Variants in PLXND1 observed in about 807,000 individuals in gnomAD.
The protein encoded by PLXND1 is plexin D1.
In PLXND1, 54 loss-of-function variants were observed where a neutral mutation model predicts 197.7. The observed-to-expected ratio is 0.27, with a 90% CI of 0.22 to 0.34. PLXND1 has a LOEUF of 0.34. Among genes scored for constraint, PLXND1 ranks in the 10% least tolerant of loss-of-function variants. PLXND1 has a pLI of 1.00. For synonymous variants in PLXND1, 1,180 were observed against 1,161.2 expected, an observed-to-expected ratio of 1.02 and a Z score of -0.33; for missense variants, 2,127 against 2,699.2, an observed-to-expected ratio of 0.79 and a Z score of 4.70.
At chr3:129,562,181 T>C (rs556875261) in intron 27 of PLXND1, among the ~76,000 whole-genome samples, 99 of 152,184 alleles carry the variant, frequency 6.5e-4, no homozygotes, top group African/African-American at 2.3e-3. Flanking sequence ...CATGTTACAA[T>C]TGCTGATGAA....
At position 129,605,977 on chromosome 3, in the gene PLXND1, G is replaced by A. The variant is rs1489841869; in HGVS notation, c.663C>T (p.Phe221=). 5.0e-6 allele frequency: 8 copies of A among 1,610,942 alleles called. No individual in the cohort carries two copies. The highest frequency in any genetic ancestry group is 6.8e-6 in the Non-Finnish European group (8 of 1,179,656). ...GGTCCTCCAGGCTGCGGTTGCGCGGGAAGAAGGAGCTGCCGTAACCGGTGT... is the reference window on the plus strand; with the variant it reads ...GGTCCTCCAGGCTGCGGTTGCGCGGAAAGAAGGAGCTGCCGTAACCGGTGT... ...ATYTGYGSSF[F]PRNRSLEDHR... is the part of the protein sequence containing the mutation. Residue 221 remains phenylalanine, a synonymous_variant, in exon 1 of 36, where the codon TTC becomes TTT. Transcript: ENST00000324093.
chr3:129,583,993 G>T, intron 7 of PLXND1, 132 bp downstream of exon 7: 1 of 656,738 alleles, frequency 1.5e-6, no homozygotes, highest in South Asian at 1.8e-5. Context: ...GCTGGTGAAT[G>T]AACAACTGAA....
rs2085779726 is a variant in PLXND1, at chr3:129,605,667, G to C, written c.973C>G (p.His325Asp). 1 of 1,537,160 alleles carries C rather than the reference G, an allele frequency of 6.5e-7. No homozygotes were observed. Among genetic ancestry groups the C allele is most frequent in the Non-Finnish European group, 8.7e-7 (1 of 1,145,188 alleles). The stretch of plus-strand genomic sequence containing the variant: ...TTCTTGGCGTCGCCGCCGGCGCCGT[G>C]GGGCAGGCAGATGCGCGCCAGCAGG... ...RSLLARICLP[H>D]GAGGDAKKLT... The change falls in exon 1 of 36, where the codon CAC becomes GAC. Residue 325 changes from histidine to aspartate, a missense_variant. Transcript: ENST00000324093.
chr3:129,581,914 C>T (rs546934559), intron 8 of PLXND1, among the ~76,000 whole-genome samples: 54 of 152,360 alleles, frequency 3.5e-4, no homozygotes, highest in African/African-American at 1.2e-3. Flanking sequence ...CCACCATAAC[C>T]GAGCCCCTGC....
intron 19 of PLXND1, 83 bp from the exon 20 acceptor site, chr3:129,570,040 G>A (rs2085201458): frequency 3.8e-6 from 3 of 785,528 alleles, no homozygotes; most frequent in Admixed American, 3.8e-5. Flanking sequence ...GTGGCCCTGG[G>A]TAAATTACCT....
At chr3:129,583,470 C>T (rs376505598) in intron 8 of PLXND1, 97 bp downstream of exon 8, 42 of 763,514 alleles carry the variant, frequency 5.5e-5, no homozygotes, top group African/African-American at 1.6e-4. Flanking sequence ...AAAGCTAAGG[C>T]GGAATATGCA....
chr3:129,557,348 A>C lies in PLXND1; in HGVS notation c.5446-125T>G. Reference sequence around the variant, plus strand: ...CTTAGCAGGCCCCCGAGGCCCAAAGAGTCTCACCCGGTCACTGAACGTCCC... The same window carrying C: ...CTTAGCAGGCCCCCGAGGCCCAAAGCGTCTCACCCGGTCACTGAACGTCCC... On this transcript the variant is annotated intron_variant, in intron 33 of 35. Coordinates refer to ENST00000324093, the MANE Select transcript of PLXND1 (RefSeq NM_015103.3). This position sits in a 1 kb window ranked among gnomAD's most constrained non-coding sequence, Gnocchi z 4.8. 1.5e-5 allele frequency: 16 copies of C among 1,052,818 alleles called. No individual in the cohort carries two copies. In the South Asian group the frequency reaches 2.4e-4, roughly 16 times the overall value. The allele number at this position is 1,052,818 out of a possible 1,614,324, so 65.2% of individuals were successfully genotyped here. A position where few individuals can be genotyped will look rare whatever the true frequency, so the allele number is the denominator to read the frequency against.
chr3:129,560,321 C>G lies in PLXND1; in HGVS notation c.5133+9G>C, dbSNP rs755227924. Reference sequence around the variant, plus strand: ...CACTGCACAGAGGGGAGACTGAGGCCGGACTCACCTTGGTGGAGAGCAGGC... The same window carrying G: ...CACTGCACAGAGGGGAGACTGAGGCGGGACTCACCTTGGTGGAGAGCAGGC... On this transcript the variant is annotated intron_variant, in intron 31 of 35. Transcript: ENST00000324093. The G allele has an allele frequency of 1.3e-6, 2 of 1,572,598 alleles. No individual in the cohort carries two copies. The highest frequency in any genetic ancestry group is 1.1e-5 in the South Asian group (1 of 90,236).
intron 25 of PLXND1, 36 bp downstream of exon 25, chr3:129,565,304 C>T (rs754668908): frequency 3.2e-6 from 5 of 1,585,918 alleles, no homozygotes; most frequent in Non-Finnish European, 4.3e-6. Context: ...TGCCACGTCC[C>T]CCGCCTGGGC....
At chr3:129,569,710 G>A in intron 20 of PLXND1, 133 bp downstream of exon 20, 2 of 645,100 alleles carry the variant, frequency 3.1e-6, no homozygotes, top group Middle Eastern at 4.0e-4. Flanking sequence ...TGCCTAACCT[G>A]TTCCCATGGC....
rs1473755475 is a variant in PLXND1, at chr3:129,601,145, G to A, written c.1311+4184C>T. ...GCACTCCAAACAGGTTGTGATTTGAGGAAAGGGATCCAAGCTACATGCAAT... is the reference window on the plus strand; with the variant it reads ...GCACTCCAAACAGGTTGTGATTTGAAGAAAGGGATCCAAGCTACATGCAAT... On this transcript the variant is annotated intron_variant, in intron 1 of 35. Coordinates refer to ENST00000324093, the MANE Select transcript of PLXND1 (RefSeq NM_015103.3). 4.6e-5 allele frequency among the ~76,000 whole-genome samples: 7 copies of A among 152,234 alleles called. No individual in the cohort carries two copies. The East Asian group carries it at 1.4e-3, about 29-fold the overall frequency.
chr3:129,571,912 G>A (rs1180173735), intron 15 of PLXND1, 68 bp from the exon 16 acceptor site: 1 of 1,442,156 alleles, frequency 6.9e-7, no homozygotes, highest in African/African-American at 1.4e-5. Flanking sequence ...ATGCCCCTGA[G>A]ACCTGGGGCA....
At chr3:129,579,697 C>T (rs1321847147) in intron 8 of PLXND1, among the ~76,000 whole-genome samples, 1 of 152,210 alleles carries the variant, frequency 6.6e-6, no homozygotes, top group Non-Finnish European at 1.5e-5. Flanking sequence ...CTACTCTGCC[C>T]TCCTTCCCAA....
At chr3:129,559,571 AG>A (rs763657077) in intron 32 of PLXND1, 48 bp downstream of exon 32, 5 of 1,461,684 alleles carry the variant, frequency 3.4e-6, no homozygotes, top group Admixed American at 2.1e-5. Context: ...CCCCTGCCAC[AG>A]GGGCCCCAGT....
In PLXND1 at chr3:129,584,128, G is replaced by A; in HGVS notation, c.2135C>T (p.Thr712Ile). ...CSRTAQVYPH[T>I]ACTSCLSAQW... ...GCAAGCCACCCAAGCCACTCACGCT[G>A]TGTGGGGGTACACTTGTGCAGTGCG... Residue 712 changes from threonine to isoleucine, a missense_variant, in exon 7 of 36, where the codon ACA becomes ATA. Physicochemically the swap from Thr to Ile is moderately conservative, Grantham distance 89. Coordinates refer to ENST00000324093, the MANE Select transcript of PLXND1 (RefSeq NM_015103.3). The A allele has an allele frequency of 6.4e-7, 1 of 1,556,442 alleles. No individual in the cohort carries two copies. The highest frequency in any genetic ancestry group is 8.7e-7 in the Non-Finnish European group (1 of 1,147,968).
Position 129,563,231 on chromosome 3 carries a change from C to T in PLXND1, c.4531G>A (p.Gly1511Arg). 6.2e-7 allele frequency: 1 copy of T among 1,610,846 alleles called. No homozygotes were observed. Among genetic ancestry groups the T allele is most frequent in the Non-Finnish European group, 8.5e-7 (1 of 1,178,538 alleles). The change falls in exon 26 of 36, where the codon GGG (glycine) becomes AGG (arginine). Residue 1511 changes from glycine to arginine, a missense_variant. Transcript: ENST00000324093. The part of the protein sequence containing the change: ...CMYSCLRETV[G>R]EPFFLLLCAI... The stretch of plus-strand genomic sequence containing the variant: ...CACAGCAGCAGGAAGAATGGCTCCC[C>T]CACCGTCTCCTGAGGGGCACGGGGG...
At chr3:129,584,639 C>A in intron 5 of PLXND1, 77 bp from the exon 6 acceptor site, 1 of 1,385,982 alleles carries the variant, frequency 7.2e-7, no homozygotes, top group Non-Finnish European at 9.9e-7. Context: ...TGCACCAACC[C>A]AAGGTCTGGC....
chr3:129,555,731 G>A lies in PLXND1; in HGVS notation c.*581C>T, dbSNP rs189265159. 7.7e-3 allele frequency: 3,908 copies of A among 505,970 alleles called. 43 individuals are homozygous for A. Among genetic ancestry groups the A allele is most frequent in the South Asian group, 0.028 (907 of 32,896 alleles). 31.3% of individuals were successfully genotyped at this position (505,970 alleles called of 1,614,324 possible). ...AGCCCACAGAGCACCCCATGGCGCG[G>A]GCACTGCCCACTCTACCAACAGCCG... is the stretch of plus-strand genomic sequence containing the variant. On this transcript the variant is annotated 3_prime_UTR_variant, in exon 36 of 36. Transcript: ENST00000324093.
intron 9 of PLXND1, among the ~76,000 whole-genome samples, chr3:129,576,947 C>T (rs1468249234): frequency 1.3e-5 from 2 of 152,142 alleles, no homozygotes; most frequent in African/African-American, 4.8e-5. Flanking sequence ...ACGCCAAGCA[C>T]CCAGCCAGCT....
Sources: allele counts gnomAD v4.1 joint callset (sites outside exome capture counted in the v4.1 genomes callset), GRCh38; gene constraint gnomAD v4.1.1; non-coding constraint Gnocchi (gnomAD v3.1); transcripts MANE v1.5; gene names NCBI Gene and HGNC (gene_info 2026-07-23, HGNC 2026-07-21).